INF2: variants seen among roughly 807,000 people sequenced by gnomAD.
INF2 encodes inverted formin 2.
INF2 carries 43 observed loss-of-function variants against 123.5 expected under a neutral mutation model. The observed-to-expected ratio is 0.35, with a 90% CI of 0.27 to 0.45. INF2 has a LOEUF of 0.45. Among genes scored for constraint, INF2 ranks in the 20% least tolerant of loss-of-function variants. INF2 has a pLI of 1.00. For synonymous variants in INF2, 851 were observed against 745.0 expected (o/e 1.14, Z -2.32); for missense variants, 1,453 against 1,682.7 (o/e 0.86, Z 2.39).
At chr14:104,689,528 G>A, upstream of INF2, 3 of 103,444 alleles carry the variant, frequency 2.9e-5, no homozygotes, top group Non-Finnish European at 3.5e-5. Context: ...CCCAGGCCCC[G>A]CCCCCGGCCC....
chr14:104,691,550 A>G (rs1048123116), intron 1 of INF2, among the ~76,000 whole-genome samples: 2 of 152,140 alleles, frequency 1.3e-5, no homozygotes, highest in African/African-American at 2.4e-5. Flanking sequence ...GACACATTAC[A>G]TTGGAGAAGG....
In INF2 at chr14:104,713,494, G is replaced by T; in HGVS notation, c.2928G>T (p.Leu976=). 6.2e-7 allele frequency: 1 copy of T among 1,611,714 alleles called. No individual in the cohort carries two copies. Among genetic ancestry groups the T allele is most frequent in the Non-Finnish European group, 8.5e-7 (1 of 1,179,488 alleles). Reference sequence around the variant, plus strand: ...AGGAGGTGTGTGTCATCGATGCCCTGCTGGCTGACATCAGGAAGGGCTTCC... The same window carrying T: ...AGGAGGTGTGTGTCATCGATGCCCTTCTGGCTGACATCAGGAAGGGCTTCC... ...KQEEVCVIDA[L]LADIRKGFQL... is the part of the protein sequence containing the mutation. The change falls in exon 20 of 23, where the codon CTG becomes CTT. Residue 976 remains leucine (L), a synonymous_variant. Coordinates refer to ENST00000392634, the MANE Select transcript of INF2 (RefSeq NM_022489.4).
In INF2 at chr14:104,711,703, G is replaced by C; in HGVS notation, c.2489+4G>C. ...AACAGCCCTCGCAAGCAGCAGGGTAGGTAGCTCCTGCCAGCCCGCCCACCT... is the reference window on the plus strand; with the variant it reads ...AACAGCCCTCGCAAGCAGCAGGGTACGTAGCTCCTGCCAGCCCGCCCACCT... On this transcript the variant is annotated splice_donor_region_variant and intron_variant, in intron 16 of 22. Coordinates refer to ENST00000392634, the MANE Select transcript of INF2 (RefSeq NM_022489.4). 1 of 1,611,914 alleles carries C rather than the reference G, an allele frequency of 6.2e-7. No individual in the cohort carries two copies. The highest frequency in any genetic ancestry group is 8.5e-7 in the Non-Finnish European group (1 of 1,179,402).
At chr14:104,711,510 G>A (rs566208723) in intron 15 of INF2, 119 bp from the exon 16 acceptor site, 3 of 870,550 alleles carry the variant, frequency 3.4e-6, no homozygotes, top group East Asian at 5.2e-5. Flanking sequence ...AGGGTCTGGA[G>A]TACTGGGGGT....
chr14:104,709,461 A>G, intron 11 of INF2, 78 bp downstream of exon 11: 1 of 1,329,718 alleles, frequency 7.5e-7, no homozygotes, highest in Non-Finnish European at 1.1e-6. Context: ...GGCTCCCAGC[A>G]GGGAGACAGA....
At chr14:104,714,155 G>A (rs1174114646) in intron 20 of INF2, 48 bp from the exon 21 acceptor site, 6 of 1,440,330 alleles carry the variant, frequency 4.2e-6, no homozygotes, top group Non-Finnish European at 5.5e-6. Context: ...ACCTGGGCTG[G>A]CTCGGGGGCA....
At chr14:104,686,847 C>G (rs1311314813), upstream of INF2, among the ~76,000 whole-genome samples, 1 of 152,212 alleles carries the variant, frequency 6.6e-6, no homozygotes, top group African/African-American at 2.4e-5. Context: ...CTGCCTGTTT[C>G]TAGCAGAACT....
intron 5 of INF2, chr14:104,704,277 A>G (rs1889672639): frequency 1.0e-6 from 1 of 959,638 alleles, no homozygotes; most frequent in South Asian, 1.9e-5. Context: ...AAATGCCAAT[A>G]AGAGGGAACT....
chr14:104,718,669 T>C, intron 22 of INF2, 126 bp from the exon 23 acceptor site: 1 of 1,515,764 alleles, frequency 6.6e-7, no homozygotes, highest in Non-Finnish European at 8.9e-7. Flanking sequence ...GGACCTGCGA[T>C]GCATGGCACA....
rs957948959 is a variant in INF2 at position 104,711,576 on chromosome 14, C to A, written c.2419-53C>A. The A allele has an allele frequency of 7.9e-6, 12 of 1,524,438 alleles. No homozygotes were observed. The African/African-American group carries it at 1.6e-4, about 21-fold the overall frequency. The allele number at this position is 1,524,438 out of a possible 1,614,324, so 94.4% of individuals were successfully genotyped here. A position where few individuals can be genotyped will look rare whatever the true frequency, so the allele number is the denominator to read the frequency against. ...CTGGGGGAGTGGGAACAGGGTCATCCCCAGGTGGAGAGTATGACCACAGTG... is the reference window on the plus strand; with the variant it reads ...CTGGGGGAGTGGGAACAGGGTCATCACCAGGTGGAGAGTATGACCACAGTG... On this transcript the variant is annotated intron_variant, in intron 15 of 22. Transcript: ENST00000392634.
chr14:104,682,658 A>G (rs987698562), intron 1 of INF2, among the ~76,000 whole-genome samples: 2 of 152,170 alleles, frequency 1.3e-5, no homozygotes, highest in African/African-American at 4.8e-5. Context: ...GTGGGAAGAA[A>G]GAGTCTGATA....
At chr14:104,716,027 C>T (rs1385145706) in intron 22 of INF2, 5 of 448,322 alleles carry the variant, frequency 1.1e-5, no homozygotes, top group Non-Finnish European at 2.2e-5. Context: ...GGTCCGTCCA[C>T]AGGGCTGGAG....
At position 104,721,337 on chromosome 14, in the gene INF2, C is replaced by T; in HGVS notation, c.*2544C>T. 1 of 141,212 alleles carries T rather than the reference C, an allele frequency of 7.1e-6. No individual in the cohort carries two copies. Among genetic ancestry groups the T allele is most frequent in the Non-Finnish European group, 1.5e-5 (1 of 66,330 alleles). 8.7% of individuals were successfully genotyped at this position (141,212 alleles called of 1,614,324 possible). A position where few individuals can be genotyped will look rare whatever the true frequency, so the allele number is the denominator to read the frequency against. On this transcript the variant is annotated 3_prime_UTR_variant, in exon 23 of 23. Transcript: ENST00000392634. ...TGCTGCTGTGGACGTCTGCGTCGTCCTCGTGTGGATGCTGCTGTGGACGTC... is the reference window on the plus strand; with the variant it reads ...TGCTGCTGTGGACGTCTGCGTCGTCTTCGTGTGGATGCTGCTGTGGACGTC...
chr14:104,716,431 A>G (rs1224401304), intron 22 of INF2, among the ~76,000 whole-genome samples: 1 of 152,224 alleles, frequency 6.6e-6, no homozygotes, highest in Non-Finnish European at 1.5e-5. Context: ...CTTTTTAGAA[A>G]GGTGCTGGCA....
chr14:104,683,912 G>A (rs763880868), intron 1 of INF2: 78 of 391,788 alleles, frequency 2.0e-4, no homozygotes, highest in South Asian at 4.2e-4. Context: ...ACAGCTACAC[G>A]CAGGCAGACT....
rs542784993 is a variant in INF2 at position 104,684,162 on chromosome 14, C to T, written c.-104+2580C>T. 5 of 455,756 alleles carry T rather than the reference C, an allele frequency of 1.1e-5. No individual in the cohort carries two copies. The highest frequency in any genetic ancestry group is 6.2e-5 in the South Asian group (4 of 64,506). 28.2% of individuals were successfully genotyped at this position (455,756 alleles called of 1,614,324 possible). ...CCCATCATGCAAGTAACCTGCGTGC[C>T]GCCACGGGAAACAGCACGCATCCCA... On this transcript the variant is annotated intron_variant, in intron 1 of 2. Transcript: ENST00000674723. This position sits in a 1 kb window ranked among gnomAD's most constrained non-coding sequence, Gnocchi z 5.0.
intron 22 of INF2, among the ~76,000 whole-genome samples, chr14:104,717,259 G>T (rs1269332115): frequency 1.1e-5 from 1 of 94,510 alleles, no homozygotes; most frequent in African/African-American, 4.4e-5. Context: ...CTCCCAGTCC[G>T]CCCCCACCGG....
chr14:104,695,566 G>T (rs1245028829), intron 1 of INF2, among the ~76,000 whole-genome samples: 1 of 111,930 alleles, frequency 8.9e-6, no homozygotes, highest in South Asian at 2.7e-4. Flanking sequence ...CCCTTGCCTG[G>T]GCTGCGCTTG....
At chr14:104,713,401 C>A in intron 19 of INF2, 44 bp from the exon 20 acceptor site, 1 of 1,591,578 alleles carries the variant, frequency 6.3e-7, no homozygotes, top group Non-Finnish European at 8.5e-7. Context: ...TCTAGGTGGG[C>A]TCCAGGGTCC....
Sources: allele counts gnomAD v4.1 joint callset (sites outside exome capture counted in the v4.1 genomes callset), GRCh38; gene constraint gnomAD v4.1.1; non-coding constraint Gnocchi (gnomAD v3.1); transcripts MANE v1.5; gene names NCBI Gene and HGNC (gene_info 2026-07-23, HGNC 2026-07-21).